MR1: variants seen among roughly 807,000 people sequenced by gnomAD.
MR1 encodes the protein major histocompatibility complex, class I-related, also known as major histocompatibility complex class I-related protein 1.
A neutral mutation model predicts 37.8 loss-of-function variants in MR1; 44 were observed. The observed-to-expected ratio is 1.16, with a 90% CI of 0.91 to 1.50. The LOEUF (loss-of-function observed/expected upper bound fraction) is 1.50, where lower values mean the gene tolerates loss of function less well. Among genes scored for constraint, MR1 ranks in the 40% most tolerant of loss-of-function variants. The pLI is 0.00. For synonymous variants in MR1, 153 were observed against 155.8 expected, an observed-to-expected ratio of 0.98 and a Z score of 0.13; for missense variants, 386 against 419.1, an observed-to-expected ratio of 0.92 and a Z score of 0.69.
chr1:181,038,052 T>A (rs1282240395), intron 1 of MR1, among the ~76,000 whole-genome samples: 3 of 152,258 alleles, frequency 2.0e-5, no homozygotes, highest in Non-Finnish European at 1.5e-5. Flanking sequence ...ATGTATTTAT[T>A]GCCAATCTCC....
intron 1 of MR1, chr1:181,036,965 G>C (rs909015205): frequency 1.3e-5 from 2 of 152,216 alleles, no homozygotes; most frequent in African/African-American, 4.8e-5. Context: ...GGTGTTTCAT[G>C]CTTTTACAAC....
At chr1:181,037,606 CTT>C (rs1657341887) in intron 1 of MR1, among the ~76,000 whole-genome samples, 1 of 152,178 alleles carries the variant, frequency 6.6e-6, no homozygotes, top group South Asian at 2.1e-4. Flanking sequence ...ACACATGACT[CTT>C]TGAACACTTA....
At chr1:181,048,534 C>CA (rs200449698) in intron 1 of MR1, among the ~76,000 whole-genome samples, 21,495 of 142,200 alleles carry the variant, frequency 0.15, 1,615 homozygotes, top group African/African-American at 0.19. Flanking sequence ...GACTCCATCT[C>CA]AAAAAAAAAA....
At chr1:181,049,690 A>G (rs756870841) in intron 2 of MR1, 1 of 475,562 alleles carries the variant, frequency 2.1e-6, no homozygotes, top group East Asian at 3.6e-5. Context: ...TCCCAGGGGT[A>G]TTTCTGGCTC....
intron 1 of MR1, among the ~76,000 whole-genome samples, chr1:181,036,720 C>A (rs1218040611): frequency 1.3e-5 from 2 of 152,226 alleles, no homozygotes; most frequent in Non-Finnish European, 2.9e-5. Flanking sequence ...AAAATCTTCT[C>A]TTTGAGGCTC....
At chr1:181,046,219 CG>C (rs1471511259) in intron 1 of MR1, among the ~76,000 whole-genome samples, 20 of 152,346 alleles carry the variant, frequency 1.3e-4, no homozygotes, top group Middle Eastern at 6.8e-3. Flanking sequence ...TGCGGGCGCA[CG>C]GCGCGGGAAT....
intron 1 of MR1, among the ~76,000 whole-genome samples, chr1:181,043,961 C>CTTTTT (rs11347634): frequency 8.1e-5 from 8 of 98,202 alleles, no homozygotes; most frequent in South Asian, 3.5e-4. Context: ...TTTGTCTGAT[C>CTTTTT]TTTTTTTTTT....
rs1658199064 is a variant in MR1 at position 181,049,886 on chromosome 1, T to C, written c.329-125T>C. ...ACCTCCTGGGGACTCAGCGATGCCATGGCAGGCCTGGGGGGTGACATAATG... is the reference window on the plus strand; with the variant it reads ...ACCTCCTGGGGACTCAGCGATGCCACGGCAGGCCTGGGGGGTGACATAATG... On this transcript the variant is annotated intron_variant, in intron 2 of 5. Coordinates refer to ENST00000367580, the MANE Select transcript of MR1 (RefSeq NM_001385161.1). 7 of 1,138,890 alleles carry C rather than the reference T, an allele frequency of 6.1e-6. No homozygotes were observed. In the Admixed American group the frequency reaches 6.7e-5, roughly 11 times the overall value. The allele number at this position is 1,138,890 out of a possible 1,614,324, so 70.5% of individuals were successfully genotyped here.
intron 1 of MR1, 24 bp from the exon 2 acceptor site, chr1:181,049,028 C>T: frequency 3.1e-6 from 5 of 1,606,742 alleles, no homozygotes; most frequent in Non-Finnish European, 4.3e-6. Flanking sequence ...CCCTACATGT[C>T]TTCCTTCTTT....
intron 3 of MR1, chr1:181,051,398 C>T (rs1054950135): frequency 6.6e-6 from 1 of 152,262 alleles, no homozygotes; most frequent in Middle Eastern, 3.4e-3. Flanking sequence ...TTTTCTACTA[C>T]CAAATATCAT....
intron 3 of MR1, chr1:181,050,545 C>T: frequency 2.2e-6 from 1 of 463,754 alleles, no homozygotes; most frequent in Non-Finnish European, 3.9e-6. Flanking sequence ...TCTATTGAGG[C>T]AAATTCTTCC....
In MR1 at chr1:181,057,968, C is replaced by T. The variant is rs1455676194; in HGVS notation, c.*2703C>T. On this transcript the variant is annotated 3_prime_UTR_variant, in exon 6 of 6. Transcript: ENST00000367580. ...GAGGTTGTGGTGAGCCGAGATCGCG[C>T]CATCGCACTCTAGCCTGGGCAACAA... is the stretch of plus-strand genomic sequence containing the variant. The T allele has an allele frequency of 1.3e-5, 2 of 152,254 alleles. No individual in the cohort carries two copies. The highest frequency in any genetic ancestry group is 2.9e-5 in the Non-Finnish European group (2 of 68,060). 9.4% of individuals were successfully genotyped at this position (152,254 alleles called of 1,614,324 possible).
intron 1 of MR1, among the ~76,000 whole-genome samples, chr1:181,048,177 A>G (rs1658019421): frequency 6.6e-6 from 1 of 151,656 alleles, no homozygotes; most frequent in African/African-American, 2.4e-5. Context: ...AGTTTGTGCC[A>G]CTGCACTCCA....
intron 2 of MR1, chr1:181,049,572 T>C: frequency 1.8e-6 from 1 of 554,896 alleles, no homozygotes; most frequent in Non-Finnish European, 3.2e-6. Flanking sequence ...CCATTTCCAC[T>C]CAGGCTTCTG....
At chr1:181,046,668 G>A (rs543432549) in intron 1 of MR1, among the ~76,000 whole-genome samples, 45 of 152,132 alleles carry the variant, frequency 3.0e-4, no homozygotes, top group African/African-American at 1.0e-3. Flanking sequence ...CAACCGTCTC[G>A]GGTCCGCTTC....
Position 181,061,472 on chromosome 1 carries a change from C to T in MR1, c.*6207C>T, listed in dbSNP as rs938102092. ...AGAAAATAGACAGAAATGGGCTGCA[C>T]ACCAGAATGAATGAATTGAATTGAA... On this transcript the variant is annotated 3_prime_UTR_variant, in exon 6 of 6. Coordinates refer to ENST00000367580, the MANE Select transcript of MR1 (RefSeq NM_001385161.1). 3 of 151,880 alleles carry T rather than the reference C, an allele frequency of 2.0e-5. No individual in the cohort carries two copies. Among genetic ancestry groups the T allele is most frequent in the African/African-American group, 7.3e-5 (3 of 41,312 alleles). 9.4% of individuals were successfully genotyped at this position (151,880 alleles called of 1,614,324 possible).
Position 181,049,070 on chromosome 1 carries a change from AT to A in MR1, c.90del (p.Arg31AlafsTer58). The stretch of plus-strand genomic sequence containing the variant: ...TTTCCAGGGACGCACTCTCTGAGAT[AT>A]TTTCGCCTGGGCGTTTCGGATCCCA... ...HSDSRTHSLR[Y>X]FRLGVSDPIH... On this transcript the variant is annotated frameshift_variant, in exon 2 of 6. Transcript: ENST00000367580. LOFTEE classifies it high-confidence loss of function. 6.2e-7 allele frequency: 1 copy of A among 1,613,896 alleles called. No homozygotes were observed. Among genetic ancestry groups the A allele is most frequent in the Non-Finnish European group, 8.5e-7 (1 of 1,179,852 alleles).
At chr1:181,053,502 C>T in intron 4 of MR1, 71 bp from the exon 5 acceptor site, 2 of 1,206,558 alleles carry the variant, frequency 1.7e-6, no homozygotes, top group Non-Finnish European at 2.5e-6. Flanking sequence ...ATCACAGGGA[C>T]AAAAGTCCCA....
In MR1 at chr1:181,060,581, T is replaced by C. The variant is rs1658853459; in HGVS notation, c.*5316T>C. On this transcript the variant is annotated 3_prime_UTR_variant, in exon 6 of 6. Transcript: ENST00000367580. ...TAAGCCAAAGGAATCTGTGGAATTTTGGAGAGTTTGGGAGCATTTGGGGGC... is the reference window on the plus strand; with the variant it reads ...TAAGCCAAAGGAATCTGTGGAATTTCGGAGAGTTTGGGAGCATTTGGGGGC... The C allele has an allele frequency of 6.6e-6, 1 of 152,264 alleles. No homozygotes were observed. Among genetic ancestry groups the C allele is most frequent in the African/African-American group, 2.4e-5 (1 of 41,464 alleles). 9.4% of individuals were successfully genotyped at this position (152,264 alleles called of 1,614,324 possible). A position where few individuals can be genotyped will look rare whatever the true frequency, so the allele number is the denominator to read the frequency against.
Sources: allele counts gnomAD v4.1 joint callset (sites outside exome capture counted in the v4.1 genomes callset), GRCh38; gene constraint gnomAD v4.1.1; transcripts MANE v1.5; gene names NCBI Gene and HGNC (gene_info 2026-07-23, HGNC 2026-07-21).